CNTNAP2: variants seen among roughly 807,000 people sequenced by gnomAD.
CNTNAP2 encodes the protein contactin-associated protein-like 2.
Under a neutral mutation model 155.2 loss-of-function variants are expected in CNTNAP2, and 98 were observed. The observed-to-expected ratio is 0.63, with a 90% confidence interval of 0.54 to 0.75. The LOEUF (loss-of-function observed/expected upper bound fraction) is 0.75. Ranked by LOEUF, CNTNAP2 falls within the 30% of genes least tolerant of loss-of-function variation. The pLI is 0.00. For missense variants in CNTNAP2, 1,727 were observed against 1,688.1 expected, an observed-to-expected ratio of 1.02 and a Z score of -0.40; for synonymous variants, 651 against 631.2, an observed-to-expected ratio of 1.03 and a Z score of -0.47.
rs192156046 is a variant in CNTNAP2 at position 146,901,827 on chromosome 7, G to C, written c.402+61923G>C. ...ATGTGAACTTTGAAGGAGTATATTT[G>C]TTGCTCTTTGAGCCCTTTACAGTTT... On this transcript the variant is annotated intron_variant, in intron 3 of 23. Coordinates refer to ENST00000361727, the MANE Select transcript of CNTNAP2 (RefSeq NM_014141.6). Among the ~76,000 whole-genome samples, 286 of 137,482 alleles carry C rather than the reference G, an allele frequency of 2.1e-3. 3 individuals are homozygous for C. Among genetic ancestry groups the C allele is most frequent in the African/African-American group, 6.8e-3 (254 of 37,330 alleles). 90.2% of individuals were successfully genotyped at this position (137,482 alleles called of 152,430 possible).
chr7:146,210,402 C>G (rs1227229621), intron 1 of CNTNAP2, among the ~76,000 whole-genome samples: 3 of 152,146 alleles, frequency 2.0e-5, no homozygotes, highest in Admixed American at 2.0e-4. Context: ...CTCCCGGGTT[C>G]AAGTGATTCT....
chr7:146,358,172 G>T lies in CNTNAP2; in HGVS notation c.97+241199G>T, dbSNP rs561546059. ...GCCTCAGCCTCCCGAGTAGCTGGGA[G>T]TACAGGTGCCCGCCACCATGCCCGG... On this transcript the variant is annotated intron_variant, in intron 1 of 23. Coordinates refer to ENST00000361727, the MANE Select transcript of CNTNAP2 (RefSeq NM_014141.6). Among the ~76,000 whole-genome samples the T allele has an allele frequency of 7.1e-3, 1,084 of 152,008 alleles. 12 individuals carry two copies. The highest frequency in any genetic ancestry group is 0.013 in the South Asian group (65 of 4,822).
At chr7:147,716,519 C>A (rs1012132587) in intron 13 of CNTNAP2, among the ~76,000 whole-genome samples, 1 of 152,106 alleles carries the variant, frequency 6.6e-6, no homozygotes, top group South Asian at 2.1e-4. Context: ...GGCGAGTTCT[C>A]TGCCTGAGCT....
chr7:147,084,562 A>T (rs2129270135), intron 4 of CNTNAP2, among the ~76,000 whole-genome samples: 1 of 145,938 alleles, frequency 6.9e-6, no homozygotes, highest in Non-Finnish European at 1.5e-5. Context: ...ATAATAATAT[A>T]TACATGTATA....
intron 11 of CNTNAP2, among the ~76,000 whole-genome samples, chr7:147,543,200 G>A (rs1312002750): frequency 6.6e-6 from 1 of 152,224 alleles, no homozygotes; most frequent in Non-Finnish European, 1.5e-5. Flanking sequence ...CAAAGGGATG[G>A]GTTGAATTAA....
At chr7:148,331,663 A>G in intron 21 of CNTNAP2, among the ~76,000 whole-genome samples, 1 of 151,690 alleles carries the variant, frequency 6.6e-6, no homozygotes, top group East Asian at 1.9e-4. Context: ...GATGGAGTGG[A>G]TGGATGGAGT....
rs529208216 is a variant in CNTNAP2, at chr7:146,952,568, A to G, written c.403-91339A>G. 1.1e-4 allele frequency among the ~76,000 whole-genome samples: 16 copies of G among 152,316 alleles called. No individual in the cohort carries two copies. The South Asian group carries it at 2.7e-3, about 26-fold the overall frequency. ...ACAAATCTCCTGAAGCTGATAAGCA[A>G]CTTCGGCGAAGTCTCAGGATATAAA... On this transcript the variant is annotated intron_variant, in intron 3 of 23. Transcript: ENST00000361727.
chr7:147,038,404 T>C (rs377024354), intron 3 of CNTNAP2, among the ~76,000 whole-genome samples: 62 of 152,312 alleles, frequency 4.1e-4, no homozygotes, highest in African/African-American at 1.5e-3. Context: ...TTAGTCAATG[T>C]TATTTCAGTT....
At chr7:147,651,054 A>C (rs1229539915) in intron 13 of CNTNAP2, among the ~76,000 whole-genome samples, 8 of 152,132 alleles carry the variant, frequency 5.3e-5, no homozygotes, top group Non-Finnish European at 1.2e-4. Flanking sequence ...ATGGGAGAAA[A>C]TAGGGTCTCA....
chr7:146,731,926 A>AT (rs570772200), intron 1 of CNTNAP2, among the ~76,000 whole-genome samples: 1 of 151,956 alleles, frequency 6.6e-6, no homozygotes, highest in Non-Finnish European at 1.5e-5. Context: ...TAAAAATTAC[A>AT]TTTTTTGTCT....
chr7:147,191,893 C>G (rs761732650), intron 8 of CNTNAP2, among the ~76,000 whole-genome samples: 2 of 152,068 alleles, frequency 1.3e-5, no homozygotes, highest in Non-Finnish European at 2.9e-5. Context: ...TTTAAAAAAG[C>G]AAAACTGAAT....
intron 17 of CNTNAP2, among the ~76,000 whole-genome samples, chr7:148,155,777 G>A (rs1008607299): frequency 6.6e-6 from 1 of 152,184 alleles, no homozygotes; most frequent in African/African-American, 2.4e-5. Flanking sequence ...GTGGAATGGA[G>A]GGGTCCTATG....
chr7:148,255,549 A>G (rs35544222), intron 20 of CNTNAP2, among the ~76,000 whole-genome samples: 28,475 of 152,174 alleles, frequency 0.19, 2,985 homozygotes, highest in Middle Eastern at 0.23. Flanking sequence ...TTTTCTTCCT[A>G]CTATTTTGAG....
In CNTNAP2 at chr7:147,829,621, G is replaced by GT. The variant is rs771115473; in HGVS notation, c.2099-73943dup. ...ATTGATCAAGGTCATAGGACTCTAG[G>GT]TAACAGAAACAGGATTGGAACTTGT... On this transcript the variant is annotated intron_variant, in intron 13 of 23. Coordinates refer to ENST00000361727, the MANE Select transcript of CNTNAP2 (RefSeq NM_014141.6). 2.6e-5 allele frequency among the ~76,000 whole-genome samples: 4 copies of GT among 152,238 alleles called. No individual in the cohort carries two copies. The South Asian group carries it at 8.3e-4, about 32-fold the overall frequency.
intron 8 of CNTNAP2, among the ~76,000 whole-genome samples, chr7:147,170,678 G>T (rs1802209023): frequency 6.6e-6 from 1 of 152,154 alleles, no homozygotes; most frequent in Admixed American, 6.5e-5. Context: ...CCTGCTCACG[G>T]CTCCCTCCTC....
chr7:147,895,849 A>T (rs1799766976), intron 13 of CNTNAP2, among the ~76,000 whole-genome samples: 1 of 152,244 alleles, frequency 6.6e-6, no homozygotes, highest in Non-Finnish European at 1.5e-5. Flanking sequence ...AATTTATTTT[A>T]GTTACAGTGA....
chr7:146,416,654 C>T (rs952220647), intron 1 of CNTNAP2, among the ~76,000 whole-genome samples: 1 of 152,090 alleles, frequency 6.6e-6, no homozygotes, highest in African/African-American at 2.4e-5. Context: ...TAAAATCATA[C>T]AGAGGCAAAA....
intron 10 of CNTNAP2, among the ~76,000 whole-genome samples, chr7:147,429,331 T>A (rs1032222228): frequency 1.3e-5 from 2 of 152,134 alleles, no homozygotes; most frequent in Non-Finnish European, 2.9e-5. Flanking sequence ...TCCCTGATAA[T>A]TAGTGATATT....
intron 1 of CNTNAP2, among the ~76,000 whole-genome samples, chr7:146,707,727 G>A (rs946456739): frequency 3.9e-5 from 6 of 152,032 alleles, no homozygotes; most frequent in Admixed American, 1.3e-4. Flanking sequence ...TCTGTTAATA[G>A]GTTCCATGTT....
Sources: allele counts gnomAD v4.1 joint callset (sites outside exome capture counted in the v4.1 genomes callset), GRCh38; gene constraint gnomAD v4.1.1; transcripts MANE v1.5; gene names NCBI Gene and HGNC (gene_info 2026-07-23, HGNC 2026-07-21).